Variants in TSPOAP1 observed in about 807,000 individuals in gnomAD.
The protein encoded by TSPOAP1 is TSPO associated protein 1.
In TSPOAP1, 87 loss-of-function variants were observed where a neutral mutation model predicts 197.0. The observed-to-expected ratio is 0.44, with a 90% confidence interval of 0.37 to 0.53. The LOEUF is 0.53. TSPOAP1 is among the 20% of genes least tolerant of loss of function. The probability of loss-of-function intolerance (pLI) is 0.00; values close to 1 mark genes in which losing one functional copy is unlikely to be tolerated. For missense variants in TSPOAP1, 2,174 were observed against 2,411.3 expected, an observed-to-expected ratio of 0.90 and a Z score of 2.06; for synonymous variants, 913 against 998.9, an observed-to-expected ratio of 0.91 and a Z score of 1.62.
chr17:58,320,433 C>T (rs761391997), intron 11 of TSPOAP1, 98 bp downstream of exon 11: 25 of 1,345,382 alleles, frequency 1.9e-5, no homozygotes, highest in Non-Finnish European at 2.4e-5. Context: ...CTCCTGCAAC[C>T]CCTCTCCCCA....
Position 58,302,092 on chromosome 17 carries a change from C to G in TSPOAP1, c.*388G>C, listed in dbSNP as rs1440517532. 8.4e-6 allele frequency: 4 copies of G among 475,612 alleles called. No individual in the cohort carries two copies. The highest frequency in any genetic ancestry group is 4.1e-5 in the South Asian group (2 of 49,312). 29.5% of individuals were successfully genotyped at this position (475,612 alleles called of 1,614,324 possible). ...AAGGTGCTTCTCTAGAGAGTTCATCCTTAAGGAGCCATTTAGCTCTGACCT... is the reference window on the plus strand; with the variant it reads ...AAGGTGCTTCTCTAGAGAGTTCATCGTTAAGGAGCCATTTAGCTCTGACCT... On this transcript the variant is annotated 3_prime_UTR_variant, in exon 32 of 32. Coordinates refer to ENST00000343736, the MANE Select transcript of TSPOAP1 (RefSeq NM_004758.4).
At chr17:58,321,403 T>C (rs1236641557) in intron 10 of TSPOAP1, among the ~76,000 whole-genome samples, 1 of 151,792 alleles carries the variant, frequency 6.6e-6, no homozygotes, top group African/African-American at 2.4e-5. Context: ...GTTCAAACAA[T>C]TCTCCTGCCT....
chr17:58,311,678 A>T lies in TSPOAP1; in HGVS notation c.2974T>A (p.Ser992Thr). 6.2e-7 allele frequency: 1 copy of T among 1,607,568 alleles called. No homozygotes were observed. Among genetic ancestry groups the T allele is most frequent in the Non-Finnish European group, 8.5e-7 (1 of 1,175,914 alleles). ...CAACTGATGATCAAGATCCCAGGGGAGGGCCCAGGCTCGATCTGCACATCC... is the reference window on the plus strand; with the variant it reads ...CAACTGATGATCAAGATCCCAGGGGTGGGCCCAGGCTCGATCTGCACATCC... ...PLDVQIEPGP[S>T]PGILIISWLP... Residue 992 changes from serine (S) to threonine (T), a missense_variant, in exon 18 of 32, where the codon TCC becomes ACC. Around this residue, in one of 5 missense-constraint regions of TSPOAP1, gnomAD observed 1,933 missense variants for 2,139.0 expected, o/e 0.90. Transcript: ENST00000343736.
At position 58,318,331 on chromosome 17, in the gene TSPOAP1, GGAGTTGGAGAGAGACTCT is replaced by G. The variant is rs1567846756; in HGVS notation, c.1803_1820del (p.Glu602_Ser607del). The G allele has an allele frequency of 3.1e-6, 5 of 1,614,190 alleles. No individual in the cohort carries two copies. Among genetic ancestry groups the G allele is most frequent in the Non-Finnish European group, 2.5e-6 (3 of 1,180,038 alleles). ...TGTTGTGGATGGACTCGGAGTGGGA[GGAGTTGGAGAGAGACTCT>G]GCCTTCTTGGCTGTCCTTCGAGGGA... is the stretch of plus-strand genomic sequence containing the variant. On this transcript the variant is annotated inframe_deletion, in exon 14 of 32. Transcript: ENST00000343736.
In TSPOAP1 at chr17:58,323,038, T is replaced by A; in HGVS notation, c.1106A>T (p.Glu369Val). 6.2e-7 allele frequency: 1 copy of A among 1,606,780 alleles called. No individual in the cohort carries two copies. ...ATTCTGCGCTTGTCTCAGCTGCAGT[T>A]CCTGAGCGGGCAGAGGAGCTCTCAG... is the stretch of plus-strand genomic sequence containing the variant. ...RKKQRRCEEL[E>V]LQLRQAQNEN... Residue 369 changes from glutamate to valine, a missense_variant and splice_region_variant, in exon 8 of 32, where the codon GAA (glutamate) becomes GTA (valine). Physicochemically the swap from Glu to Val is moderately radical, Grantham distance 121. This residue lies in a region of TSPOAP1 where 1,933 missense variants were observed against 2,139.0 expected (regional missense o/e 0.90). Coordinates refer to ENST00000343736, the MANE Select transcript of TSPOAP1 (RefSeq NM_004758.4).
chr17:58,309,127 A>C lies in TSPOAP1; in HGVS notation c.4145T>G (p.Leu1382Trp), dbSNP rs1163239323. The C allele has an allele frequency of 1.2e-6, 2 of 1,613,770 alleles. No homozygotes were observed. The highest frequency in any genetic ancestry group is 2.7e-5 in the African/African-American group (2 of 74,910). The change falls in exon 22 of 32, where the codon TTG becomes TGG. Residue 1382 changes from leucine to tryptophan, a missense_variant. Leu to Trp is a moderately conservative substitution (Grantham distance 61). Around this residue, in one of 5 missense-constraint regions of TSPOAP1, gnomAD observed 1,933 missense variants for 2,139.0 expected, o/e 0.90. Coordinates refer to ENST00000343736, the MANE Select transcript of TSPOAP1 (RefSeq NM_004758.4). This position sits in a 1 kb window ranked among gnomAD's most constrained non-coding sequence, Gnocchi z 5.0. Reference protein sequence around the residue: ...GQPRRPGQCPLSPESSRAGDC... With the variant: ...GQPRRPGQCPWSPESSRAGDC... ...TCCAGCCCTGGAGGACTCAGGAGAC[A>C]AGGGACACTGGCCAGGTCTTCGGGG... is the stretch of plus-strand genomic sequence containing the variant.
chr17:58,325,685 G>C lies in TSPOAP1; in HGVS notation c.599C>G (p.Thr200Ser), dbSNP rs1400903090. ...GGCCTTCCGACACAACTCCAAGCTG[G>C]TCCCCGGCCGGGGCAAGGGGGCACT... ...VVSAPLPRPG[T>S]SLELCRKALA... Residue 200 changes from threonine (T) to serine (S), a missense_variant, in exon 4 of 32, where the codon ACC (threonine) becomes AGC (serine). Coordinates refer to ENST00000343736, the MANE Select transcript of TSPOAP1 (RefSeq NM_004758.4). 1 of 1,611,854 alleles carries C rather than the reference G, an allele frequency of 6.2e-7. No homozygotes were observed.
rs201380389 is a variant in TSPOAP1 at position 58,310,623 on chromosome 17, T to A, written c.3588A>T (p.Gly1196=). ...TGGAGCTGGAGGCCGGACAGGCCTC[T>A]CCTGCAGTCCACTCGGCCTCCTGCT... ...LAKQEAEWTA[G]EACPASSSTQ... is the part of the protein sequence containing the mutation. Residue 1196 remains glycine, a synonymous_variant, in exon 20 of 32, where the codon GGA becomes GGT. Transcript: ENST00000343736. 238 of 1,613,134 alleles carry A rather than the reference T, an allele frequency of 1.5e-4. No homozygotes were observed. In the East Asian group the frequency reaches 4.4e-3, roughly 30 times the overall value.
Position 58,305,634 on chromosome 17 carries a change from T to G in TSPOAP1, c.5267A>C (p.Lys1756Thr). 6.5e-7 allele frequency: 1 copy of G among 1,529,364 alleles called. No homozygotes were observed. Among genetic ancestry groups the G allele is most frequent in the East Asian group, 2.3e-5 (1 of 44,312 alleles). 94.7% of individuals were successfully genotyped at this position (1,529,364 alleles called of 1,614,324 possible). The change falls in exon 28 of 32, where the codon AAG becomes ACG. Residue 1756 changes from lysine to threonine, a missense_variant. This residue lies in a region of TSPOAP1 where 161 missense variants were observed against 159.1 expected (regional missense o/e 1.01). Coordinates refer to ENST00000343736, the MANE Select transcript of TSPOAP1 (RefSeq NM_004758.4). ...GPAQPCPGPPKLVPSADLKAP... is the reference protein window; with the variant it reads ...GPAQPCPGPPTLVPSADLKAP... ...TTTCAGGTCAGCAGAGGGGACCAGC[T>G]TAGGGGGGCCTGCAGGGGGAGTAGG...
intron 20 of TSPOAP1, 129 bp from the exon 21 acceptor site, chr17:58,310,287 G>C (rs762568178): frequency 1.8e-5 from 21 of 1,143,362 alleles, no homozygotes; most frequent in Admixed American, 1.3e-4. Flanking sequence ...TGTCCTAAAT[G>C]GGGGAGGCAC....
intron 31 of TSPOAP1, chr17:58,303,400 A>C (rs1437326141): frequency 1.3e-5 from 2 of 151,970 alleles, no homozygotes; most frequent in African/African-American, 4.8e-5. Context: ...TGCACAACCG[A>C]GGCCCCACCC....
At position 58,312,836 on chromosome 17, in the gene TSPOAP1, G is replaced by T. The variant is rs192065726; in HGVS notation, c.2099-114C>A. 4.3e-5 allele frequency: 32 copies of T among 750,840 alleles called. No individual in the cohort carries two copies. In the East Asian group the frequency reaches 6.0e-4, roughly 14 times the overall value. 46.5% of individuals were successfully genotyped at this position (750,840 alleles called of 1,614,324 possible). ...TGCTAGTGGGTGATCTTCAGCATTT[G>T]ATTCAAATCAACATTTAACTGTCAA... On this transcript the variant is annotated intron_variant, in intron 16 of 31. Coordinates refer to ENST00000343736, the MANE Select transcript of TSPOAP1 (RefSeq NM_004758.4).
chr17:58,317,602 C>T (rs893551437), intron 14 of TSPOAP1, among the ~76,000 whole-genome samples: 3 of 152,228 alleles, frequency 2.0e-5, no homozygotes, highest in Admixed American at 6.5e-5. Context: ...CGTTCTACCA[C>T]TTTCTGAATG....
chr17:58,311,516 G>C, intron 18 of TSPOAP1, 55 bp downstream of exon 18: 1 of 1,519,238 alleles, frequency 6.6e-7, no homozygotes, highest in Non-Finnish European at 8.8e-7. Context: ...AGACCTCTGA[G>C]CATAGCAAGA....
In TSPOAP1 at chr17:58,306,848, G is replaced by A. The variant is rs750860076; in HGVS notation, c.5104C>T (p.Leu1702=). The part of the protein sequence containing the change: ...AVDSPAGRQQ[L]LQRGYLSPDI... ...GGGGACAAATAACCCCGCTGGAGCA[G>A]TTGCTGTCTCCCAGCAGGGCTGTCC... The change falls in exon 25 of 32, where the codon CTG becomes TTG. Residue 1702 remains leucine (L), a synonymous_variant. Transcript: ENST00000343736. 6 of 1,613,816 alleles carry A rather than the reference G, an allele frequency of 3.7e-6. No homozygotes were observed. The Admixed American group carries it at 1.0e-4, about 27-fold the overall frequency.
At position 58,312,112 on chromosome 17, in the gene TSPOAP1, C is replaced by G; in HGVS notation, c.2709G>C (p.Val903=). The change falls in exon 17 of 32, where the codon GTG becomes GTC. Residue 903 remains valine, a synonymous_variant. Coordinates refer to ENST00000343736, the MANE Select transcript of TSPOAP1 (RefSeq NM_004758.4). The part of the protein sequence containing the change: ...LTATSAEITW[V]PGNSNLAHAI... ...CATGGGCCAAGTTGCTATTGCCGGG[C>G]ACCCAGGTGATCTCAGCAGATGTGG... The G allele has an allele frequency of 6.2e-7, 1 of 1,613,350 alleles. No homozygotes were observed. The highest frequency in any genetic ancestry group is 8.5e-7 in the Non-Finnish European group (1 of 1,180,006).
At chr17:58,318,162 C>G (rs976576404) in intron 14 of TSPOAP1, 118 bp downstream of exon 14, 170 of 1,299,474 alleles carry the variant, frequency 1.3e-4, no homozygotes, top group Non-Finnish European at 1.7e-4. Context: ...CACCTCCCAA[C>G]TTGGGACCCC....
In TSPOAP1 at chr17:58,322,568, G is replaced by C. The variant is rs1971433476; in HGVS notation, c.1317+86C>G. On this transcript the variant is annotated intron_variant, in intron 9 of 31. Transcript: ENST00000343736. The surrounding 1 kb of genome is among the most constrained non-coding windows in gnomAD (Gnocchi z 5.0). ...GCTCCAGGCCCAGGCCTCAGAGCTA[G>C]TGCCCCTCACTAAGAATATTCTGCT... 6.3e-7 allele frequency: 1 copy of C among 1,579,654 alleles called. No individual in the cohort carries two copies. The highest frequency in any genetic ancestry group is 1.1e-5 in the South Asian group (1 of 88,802).
rs149372457 is a variant in TSPOAP1 at position 58,319,276 on chromosome 17, C to T, written c.1513G>A (p.Glu505Lys). 1.0e-4 allele frequency: 158 copies of T among 1,586,896 alleles called. No individual in the cohort carries two copies. In the East Asian group the frequency reaches 2.8e-3, roughly 28 times the overall value. The change falls in exon 13 of 32, where the codon GAA becomes AAA. Residue 505 changes from glutamate to lysine, a missense_variant. Glu to Lys is a moderately conservative substitution (Grantham distance 56). This residue lies in a region of TSPOAP1 where 1,933 missense variants were observed against 2,139.0 expected (regional missense o/e 0.90). Transcript: ENST00000343736. Reference sequence around the variant, plus strand: ...TCGGTTTGGCTGCGGCACTGTTCTTCGAGCTCTCGAACCCGGGCCTGGGCC... The same window carrying T: ...TCGGTTTGGCTGCGGCACTGTTCTTTGAGCTCTCGAACCCGGGCCTGGGCC... ...DSMQARVRELEEQCRSQTEQF... is the reference protein window; with the variant it reads ...DSMQARVRELKEQCRSQTEQF...
Sources: gnomAD v4.1 joint callset for allele counts (sites outside exome capture counted in the v4.1 genomes callset) on GRCh38, gnomAD v4.1.1 for gene constraint, gnomAD v4.1.1 regional missense constraint, Gnocchi (gnomAD v3.1) non-coding constraint, MANE v1.5 for transcripts, NCBI Gene and HGNC (gene_info 2026-07-23, HGNC 2026-07-21) for gene names.